Variants in EPHB1 observed in about 807,000 individuals in gnomAD.
The protein encoded by EPHB1 is ephrin type-B receptor 1.
EPHB1 carries 30 observed loss-of-function variants against 94.4 expected under a neutral mutation model. The ratio of observed to expected loss-of-function variants is 0.32; its 90% CI spans 0.24 to 0.43. The LOEUF (loss-of-function observed/expected upper bound fraction) is 0.43. Ranked by LOEUF, EPHB1 falls within the 20% of genes least tolerant of loss-of-function variation. EPHB1 has a pLI of 1.00. For missense variants in EPHB1, 1,055 were observed against 1,308.3 expected, an observed-to-expected ratio of 0.81 and a Z score of 2.99; for synonymous variants, 522 against 489.1, an observed-to-expected ratio of 1.07 and a Z score of -0.89.
chr3:134,902,180 A>G (rs970896663), intron 1 of EPHB1, among the ~76,000 whole-genome samples: 8 of 152,180 alleles, frequency 5.3e-5, no homozygotes, highest in Non-Finnish European at 1.0e-4. Flanking sequence ...GCAGGTGCCT[A>G]GGAGAGAGGG....
At position 134,983,448 on chromosome 3, in the gene EPHB1, T is replaced by C. The variant is rs183246635; in HGVS notation, c.805+31396T>C. Among the ~76,000 whole-genome samples the C allele has an allele frequency of 1.7e-4, 26 of 152,360 alleles. No homozygotes were observed. The East Asian group carries it at 3.5e-3, about 20-fold the overall frequency. ...AGTTCTCATCATGGCTCAGTGGGGC[T>C]CAATGCTAATTCTCTCTTGCCATCT... On this transcript the variant is annotated intron_variant, in intron 3 of 15. Transcript: ENST00000398015.
At chr3:135,032,843 A>G (rs531969815) in intron 3 of EPHB1, among the ~76,000 whole-genome samples, 1 of 152,368 alleles carries the variant, frequency 6.6e-6, no homozygotes, top group Non-Finnish European at 1.5e-5. Flanking sequence ...AAAGAAGCTC[A>G]TGTAGCCCCT....
chr3:135,115,672 T>C (rs912898017), intron 4 of EPHB1, among the ~76,000 whole-genome samples: 1 of 152,108 alleles, frequency 6.6e-6, no homozygotes, highest in African/African-American at 2.4e-5. Context: ...TAAACCAGGG[T>C]TGACTCTCAG....
chr3:135,025,044 C>A (rs776165752), intron 3 of EPHB1, among the ~76,000 whole-genome samples: 1 of 151,014 alleles, frequency 6.6e-6, no homozygotes, highest in Non-Finnish European at 1.5e-5. Flanking sequence ...ATATTTACAA[C>A]TTTTTTGTTA....
intron 3 of EPHB1, among the ~76,000 whole-genome samples, chr3:135,094,001 T>A (rs1423616666): frequency 6.6e-6 from 1 of 152,234 alleles, no homozygotes; most frequent in Non-Finnish European, 1.5e-5. Flanking sequence ...TTTTAAGCTG[T>A]AATTAATTTT....
intron 12 of EPHB1, among the ~76,000 whole-genome samples, chr3:135,225,911 G>A (rs1292288015): frequency 6.6e-6 from 1 of 152,198 alleles, no homozygotes; most frequent in Non-Finnish European, 1.5e-5. Context: ...GTCTGGGAAT[G>A]TGGGAGCAAC....
chr3:135,201,744 C>T, intron 12 of EPHB1, 55 bp downstream of exon 12: 3 of 1,541,666 alleles, frequency 1.9e-6, no homozygotes, highest in South Asian at 1.2e-5. Flanking sequence ...AAAGGGGACT[C>T]TACATGGCTG....
intron 2 of EPHB1, among the ~76,000 whole-genome samples, chr3:134,934,250 A>G (rs1276055163): frequency 6.6e-6 from 1 of 152,196 alleles, no homozygotes; most frequent in African/African-American, 2.4e-5. Flanking sequence ...CACTTAAAAC[A>G]TTTTTTATAT....
intron 2 of EPHB1, among the ~76,000 whole-genome samples, chr3:134,936,305 G>A (rs1325423751): frequency 2.0e-5 from 3 of 152,146 alleles, no homozygotes; most frequent in East Asian, 1.9e-4. Flanking sequence ...GAAGTGTGGG[G>A]TTGGGGGACC....
intron 10 of EPHB1, among the ~76,000 whole-genome samples, chr3:135,189,128 C>T (rs558453541): frequency 7.2e-4 from 110 of 152,324 alleles, no homozygotes; most frequent in African/African-American, 2.6e-3. Flanking sequence ...TAGTTTGATT[C>T]ATACTGTCCT....
At chr3:134,984,099 A>G (rs36105) in intron 3 of EPHB1, among the ~76,000 whole-genome samples, 95,922 of 152,028 alleles carry the variant, frequency 0.63, 32,094 homozygotes, top group African/African-American at 0.83. Flanking sequence ...TTCACAGTAA[A>G]AGTCACTAAA....
At chr3:135,180,039 A>C in intron 10 of EPHB1, 57 bp downstream of exon 10, 1 of 1,603,912 alleles carries the variant, frequency 6.2e-7, no homozygotes, top group East Asian at 2.2e-5. Context: ...TCTTCTTTCC[A>C]CCACCCTAGA....
intron 5 of EPHB1, among the ~76,000 whole-genome samples, chr3:135,145,205 G>A (rs962987160): frequency 6.6e-5 from 10 of 152,202 alleles, no homozygotes; most frequent in African/African-American, 1.9e-4. Context: ...GAATAGAAAT[G>A]TCAGAGGGAA....
chr3:134,934,947 G>A (rs1039740122), intron 2 of EPHB1, among the ~76,000 whole-genome samples: 6 of 152,176 alleles, frequency 3.9e-5, no homozygotes, highest in African/African-American at 1.4e-4. Context: ...CTTAACCCTT[G>A]TTGGCCCAGA....
At chr3:134,984,242 T>C (rs1934514528) in intron 3 of EPHB1, among the ~76,000 whole-genome samples, 1 of 152,158 alleles carries the variant, frequency 6.6e-6, no homozygotes, top group Non-Finnish European at 1.5e-5. Context: ...GATCCTCTTC[T>C]GGGTGAGGAT....
intron 3 of EPHB1, among the ~76,000 whole-genome samples, chr3:134,994,728 T>G (rs930039671): frequency 1.1e-4 from 16 of 152,226 alleles, no homozygotes; most frequent in Non-Finnish European, 2.9e-5. Context: ...CCAGCCTATA[T>G]AGCTATATCT....
intron 1 of EPHB1, among the ~76,000 whole-genome samples, chr3:134,808,515 A>G (rs531979193): frequency 1.3e-5 from 2 of 152,228 alleles, no homozygotes; most frequent in East Asian, 3.9e-4. Context: ...CATTCTTGCC[A>G]TTGATAGGCC....
intron 1 of EPHB1, among the ~76,000 whole-genome samples, chr3:134,825,327 A>G (rs1366100445): frequency 1.3e-5 from 2 of 152,224 alleles, no homozygotes; most frequent in Non-Finnish European, 1.5e-5. Flanking sequence ...GGCCAGGTCT[A>G]TTGTAGCTCT....
chr3:134,971,479 G>A lies in EPHB1; in HGVS notation c.805+19427G>A, dbSNP rs138175152. Among the ~76,000 whole-genome samples the A allele has an allele frequency of 6.4e-4, 98 of 152,334 alleles. 1 individual carries two copies. Among genetic ancestry groups the A allele is most frequent in the African/African-American group, 2.2e-3 (90 of 41,578 alleles). On this transcript the variant is annotated intron_variant, in intron 3 of 15. Coordinates refer to ENST00000398015, the MANE Select transcript of EPHB1 (RefSeq NM_004441.5). ...GTCTGGATGGATGGGTGGATGGAGC[G>A]AGGGCAGCTGGGCTGCATTTGCACA...
Sources: allele counts gnomAD v4.1 joint callset (sites outside exome capture counted in the v4.1 genomes callset), GRCh38; gene constraint gnomAD v4.1.1; transcripts MANE v1.5; gene names NCBI Gene and HGNC (gene_info 2026-07-23, HGNC 2026-07-21).